Variants in CNTNAP5 observed in about 807,000 individuals in gnomAD.
CNTNAP5 encodes the protein contactin-associated protein-like 5.
In CNTNAP5, 72 loss-of-function variants were observed where a neutral mutation model predicts 150.2. The ratio of observed to expected loss-of-function variants is 0.48; its 90% CI spans 0.40 to 0.58. CNTNAP5 has a LOEUF of 0.58. CNTNAP5 is among the 20% of genes least tolerant of loss of function. The pLI is 0.00. For missense variants in CNTNAP5, 1,636 were observed against 1,626.2 expected (o/e 1.01, Z -0.10); for synonymous variants, 672 against 619.8 (o/e 1.08, Z -1.25).
intron 6 of CNTNAP5, among the ~76,000 whole-genome samples, chr2:124,473,673 A>G (rs1693573408): frequency 6.6e-6 from 1 of 151,994 alleles, no homozygotes; most frequent in African/African-American, 2.4e-5. Flanking sequence ...GTATCCAAAT[A>G]TAGATATAGT....
intron 1 of CNTNAP5, among the ~76,000 whole-genome samples, chr2:124,048,917 G>A (rs1394641943): frequency 6.6e-6 from 1 of 152,176 alleles, no homozygotes; most frequent in African/African-American, 2.4e-5. Flanking sequence ...TGAGTGTTAT[G>A]CAATACGTTA....
At chr2:124,320,384 C>T (rs1159405076) in intron 3 of CNTNAP5, among the ~76,000 whole-genome samples, 1 of 152,152 alleles carries the variant, frequency 6.6e-6, no homozygotes, top group African/African-American at 2.4e-5. Flanking sequence ...CTGTAATTTG[C>T]ATTTCCCTGA....
chr2:124,702,396 T>TGC (rs1679542660), intron 13 of CNTNAP5, among the ~76,000 whole-genome samples: 2 of 88,612 alleles, frequency 2.3e-5, no homozygotes, highest in Admixed American at 2.6e-4. Flanking sequence ...TTTTTTTTTT[T>TGC]GCTAGTGAAG....
At chr2:124,641,365 G>A (rs1316280496) in intron 12 of CNTNAP5, among the ~76,000 whole-genome samples, 1 of 152,050 alleles carries the variant, frequency 6.6e-6, no homozygotes, top group Non-Finnish European at 1.5e-5. Context: ...TGATGACAAA[G>A]CTCAAGCTTC....
At chr2:124,612,032 T>G (rs1677395260) in intron 12 of CNTNAP5, among the ~76,000 whole-genome samples, 1 of 152,242 alleles carries the variant, frequency 6.6e-6, no homozygotes, top group African/African-American at 2.4e-5. Context: ...CATAGCCTTC[T>G]GGTTCAGTAA....
chr2:124,840,567 A>G (rs977414070), intron 19 of CNTNAP5, among the ~76,000 whole-genome samples: 1 of 152,056 alleles, frequency 6.6e-6, no homozygotes, highest in Non-Finnish European at 1.5e-5. Context: ...ACCTTATCAC[A>G]TCACAGAACA....
At chr2:124,573,180 C>T (rs952324569) in intron 11 of CNTNAP5, among the ~76,000 whole-genome samples, 4 of 152,192 alleles carry the variant, frequency 2.6e-5, no homozygotes, top group Non-Finnish European at 4.4e-5. Flanking sequence ...TTATGGAACA[C>T]AGAAGGATTT....
At chr2:124,242,660 C>T (rs1350784187) in intron 3 of CNTNAP5, among the ~76,000 whole-genome samples, 1 of 152,068 alleles carries the variant, frequency 6.6e-6, no homozygotes, top group African/African-American at 2.4e-5. Context: ...CTTTCTTCAT[C>T]TATAAAAATT....
intron 11 of CNTNAP5, among the ~76,000 whole-genome samples, chr2:124,607,070 T>A (rs1677245726): frequency 1.3e-5 from 2 of 152,212 alleles, no homozygotes; most frequent in Non-Finnish European, 2.9e-5. Context: ...AGGGAGGCTC[T>A]TTTTGAGTTA....
rs1341023115 is a variant in CNTNAP5, at chr2:124,275,557, T to C, written c.381+33164T>C. ...TTATCTATGTGTCTGCACCATCTTC[T>C]GGCTGTTGATGCCTCATATTGACAT... On this transcript the variant is annotated intron_variant, in intron 3 of 23. Coordinates refer to ENST00000682447, the MANE Select transcript of CNTNAP5 (RefSeq NM_001367498.1). Among the ~76,000 whole-genome samples the C allele has an allele frequency of 2.0e-5, 3 of 152,028 alleles. No homozygotes were observed. In the East Asian group the frequency reaches 5.8e-4, roughly 29 times the overall value.
chr2:124,324,540 T>A (rs1689170243), intron 3 of CNTNAP5, among the ~76,000 whole-genome samples: 1 of 151,994 alleles, frequency 6.6e-6, no homozygotes. Flanking sequence ...GCTAATTGGG[T>A]CCCTTGAGTT....
intron 11 of CNTNAP5, among the ~76,000 whole-genome samples, chr2:124,609,479 G>T (rs1367003114): frequency 6.6e-6 from 1 of 151,996 alleles, no homozygotes; most frequent in African/African-American, 2.4e-5. Context: ...TATACTCCCA[G>T]CTACTCGGGA....
chr2:124,230,215 A>C lies in CNTNAP5; in HGVS notation c.187+8406A>C, dbSNP rs1024161579. On this transcript the variant is annotated intron_variant, in intron 2 of 23. Coordinates refer to ENST00000682447, the MANE Select transcript of CNTNAP5 (RefSeq NM_001367498.1). ...TGTTACAAATTGCTAAGGACCCTAA[A>C]GGTGTTCTGAAGTTGGTTTTCATCT... Among the ~76,000 whole-genome samples, 7 of 152,122 alleles carry C rather than the reference A, an allele frequency of 4.6e-5. No homozygotes were observed. In the East Asian group the frequency reaches 1.4e-3, roughly 29 times the overall value.
At position 124,814,576 on chromosome 2, in the gene CNTNAP5, A is replaced by AT. The variant is rs200007837; in HGVS notation, c.3217+16265dup. Among the ~76,000 whole-genome samples the AT allele has an allele frequency of 3.9e-3, 577 of 149,546 alleles. 2 individuals carry two copies. Among genetic ancestry groups the AT allele is most frequent in the Middle Eastern group, 6.9e-3 (2 of 288 alleles). On this transcript the variant is annotated intron_variant, in intron 19 of 23. Coordinates refer to ENST00000682447, the MANE Select transcript of CNTNAP5 (RefSeq NM_001367498.1). ...TAAGAGCTTCTTTTAAAAATAGGGC[A>AT]TTTTTTTTTCAAGCAAAAGATCCTT... is the stretch of plus-strand genomic sequence containing the variant.
At chr2:124,238,381 T>C (rs1686805073) in intron 2 of CNTNAP5, among the ~76,000 whole-genome samples, 1 of 152,116 alleles carries the variant, frequency 6.6e-6, no homozygotes, top group South Asian at 2.1e-4. Flanking sequence ...TGCCTGACTT[T>C]TGGTACAGCA....
At chr2:124,732,281 AC>A (rs1454497722) in intron 13 of CNTNAP5, among the ~76,000 whole-genome samples, 3 of 152,128 alleles carry the variant, frequency 2.0e-5, no homozygotes, top group African/African-American at 4.8e-5. Flanking sequence ...CTTTTCAGCA[AC>A]CAGGTTCTCT....
intron 1 of CNTNAP5, among the ~76,000 whole-genome samples, chr2:124,209,488 G>C (rs1196442699): frequency 6.6e-6 from 1 of 152,124 alleles, no homozygotes; most frequent in Non-Finnish European, 1.5e-5. Flanking sequence ...TCACAATCTT[G>C]AACGCACTTC....
intron 1 of CNTNAP5, among the ~76,000 whole-genome samples, chr2:124,193,251 T>C (rs1300568260): frequency 6.6e-6 from 1 of 152,258 alleles, no homozygotes; most frequent in Non-Finnish European, 1.5e-5. Context: ...TTACAGGTAC[T>C]TGAAGTTAGG....
intron 13 of CNTNAP5, among the ~76,000 whole-genome samples, chr2:124,688,831 C>T (rs182681294): frequency 3.9e-5 from 6 of 152,100 alleles, no homozygotes; most frequent in African/African-American, 9.6e-5. Flanking sequence ...GTGCCTCATG[C>T]GGACAAGGTC....
Sources: allele counts gnomAD v4.1 joint callset (sites outside exome capture counted in the v4.1 genomes callset), GRCh38; gene constraint gnomAD v4.1.1; transcripts MANE v1.5; gene names NCBI Gene and HGNC (gene_info 2026-07-23, HGNC 2026-07-21).